SPEG: variants seen among roughly 807,000 people sequenced by gnomAD.
SPEG encodes striated muscle preferentially expressed protein kinase.
A neutral mutation model predicts 300.4 loss-of-function variants in SPEG; 114 were observed. That is an observed-to-expected ratio of 0.38 (90% CI 0.33 to 0.44). SPEG has a LOEUF of 0.44. Among genes scored for constraint, SPEG ranks in the 20% least tolerant of loss-of-function variants. The pLI, the probability that SPEG is intolerant of heterozygous loss-of-function variation, is 1.00. For missense variants in SPEG, 4,201 were observed against 4,586.2 expected, an observed-to-expected ratio of 0.92 and a Z score of 2.43; for synonymous variants, 1,964 against 2,018.9, an observed-to-expected ratio of 0.97 and a Z score of 0.73.
chr2:219,435,739 C>T (rs962827563), intron 1 of SPEG, among the ~76,000 whole-genome samples: 6 of 152,184 alleles, frequency 3.9e-5, no homozygotes, highest in African/African-American at 1.2e-4. Context: ...ATTGACACTC[C>T]GATCAGCTCC....
In SPEG at chr2:219,444,989, G is replaced by A; in HGVS notation, c.643G>A (p.Ala215Thr). ...CCGCCTCCCGGGCAGCCCAAGGCAA[G>A]CACAGGCAACCGGGGCCGGGCCACG... ...TRRLPGSPRQ[A>T]QATGAGPRHL... Residue 215 changes from alanine (A) to threonine (T), a missense_variant, in exon 3 of 41, where the codon GCA becomes ACA. Ala to Thr is a moderately conservative substitution (Grantham distance 58). Around this residue, in one of 4 missense-constraint regions of SPEG, gnomAD observed 1,258 missense variants for 1,293.9 expected, o/e 0.97. Coordinates refer to ENST00000312358, the MANE Select transcript of SPEG (RefSeq NM_005876.5). The surrounding 1 kb of genome is among the most constrained non-coding windows in gnomAD (Gnocchi z 7.8). The A allele has an allele frequency of 1.2e-6, 2 of 1,611,114 alleles. No homozygotes were observed. The highest frequency in any genetic ancestry group is 1.7e-6 in the Non-Finnish European group (2 of 1,178,960).
Position 219,448,266 on chromosome 2 carries a change from G to A in SPEG, c.1108G>A (p.Glu370Lys), listed in dbSNP as rs549168861. The A allele has an allele frequency of 2.5e-6, 4 of 1,612,092 alleles. No homozygotes were observed. In the Admixed American group the frequency reaches 5.0e-5, roughly 20 times the overall value. ...CGGGCCCTCCCTGGCGGGCACCGCG[G>A]AATCCCGACCCCAGACGCCACTGAG... is the stretch of plus-strand genomic sequence containing the variant. ...SSGPSLAGTA[E>K]SRPQTPLSEA... The change falls in exon 4 of 41, where the codon GAA (glutamate) becomes AAA (lysine). Residue 370 changes from glutamate to lysine, a missense_variant. Physicochemically the swap from Glu to Lys is moderately conservative, Grantham distance 56. Transcript: ENST00000312358.
intron 1 of SPEG, among the ~76,000 whole-genome samples, chr2:219,436,210 G>T (rs527341589): frequency 3.9e-5 from 6 of 152,362 alleles, no homozygotes; most frequent in South Asian, 2.1e-4. Flanking sequence ...TGAAGAAAAG[G>T]CTGAGGGTCT....
chr2:219,481,258 C>T lies in SPEG; in HGVS notation c.5370-46C>T, dbSNP rs1487607815. 18 of 1,597,962 alleles carry T rather than the reference C, an allele frequency of 1.1e-5. No individual in the cohort carries two copies. Among genetic ancestry groups the T allele is most frequent in the Non-Finnish European group, 1.5e-5 (17 of 1,170,304 alleles). On this transcript the variant is annotated intron_variant, in intron 26 of 40. Coordinates refer to ENST00000312358, the MANE Select transcript of SPEG (RefSeq NM_005876.5). The surrounding 1 kb of genome is among the most constrained non-coding windows in gnomAD (Gnocchi z 5.4). ...GCCCTGTGCCCCCACTGACATTCCCCTTTGTCCCCGCCTGCCCCTCATGAC... is the reference window on the plus strand; with the variant it reads ...GCCCTGTGCCCCCACTGACATTCCCTTTTGTCCCCGCCTGCCCCTCATGAC...
Position 219,443,149 on chromosome 2 carries a change from T to C in SPEG, c.389-1504T>C. 4 of 1,612,604 alleles carry C rather than the reference T, an allele frequency of 2.5e-6. No homozygotes were observed. The highest frequency in any genetic ancestry group is 3.4e-6 in the Non-Finnish European group (4 of 1,179,674). On this transcript the variant is annotated intron_variant, in intron 1 of 40. Coordinates refer to ENST00000312358, the MANE Select transcript of SPEG (RefSeq NM_005876.5). This position sits in a 1 kb window ranked among gnomAD's most constrained non-coding sequence, Gnocchi z 4.6. ...GCCGGGCCTTTGGCCGACTCACCCA[T>C]GGTGCGTGGACCGTGGGCGTCCTTG...
rs1344301920 is a variant in SPEG, at chr2:219,483,952, G to A, written c.6489G>A (p.Glu2163=). ...VARLGARRLQ[E]SPSLSALSEA... is the part of the protein sequence containing the mutation. ...GGCTTGGGGCCCGTAGGCTACAGGA[G>A]TCTCCTTCCCTGTCTGCCCTCAGCG... is the stretch of plus-strand genomic sequence containing the variant. Residue 2163 remains glutamate, a synonymous_variant, in exon 30 of 41, where the codon GAG becomes GAA. Transcript: ENST00000312358. The A allele has an allele frequency of 6.2e-7, 1 of 1,607,172 alleles. No individual in the cohort carries two copies.
chr2:219,460,779 C>A (rs995960571), intron 6 of SPEG: 2 of 986,122 alleles, frequency 2.0e-6, no homozygotes, highest in Non-Finnish European at 2.4e-6. Flanking sequence ...CCTCCTCCTT[C>A]CCCTCCTCAG....
chr2:219,465,029 T>G (rs1263151361), intron 9 of SPEG: 1 of 154,160 alleles, frequency 6.5e-6, no homozygotes. Flanking sequence ...CAGAAGCTAC[T>G]GTGAGGTAGC....
chr2:219,484,100 G>T lies in SPEG; in HGVS notation c.6637G>T (p.Asp2213Tyr), dbSNP rs747510236. ...GCCCCCCGCACCCCAGCCTGCCCAA[G>T]ACAAGGCTCCAGAGCCCAGGCCAGA... ...PQPPAPQPAQ[D>Y]KAPEPRPEPV... Residue 2213 changes from aspartate (D) to tyrosine (Y), a missense_variant, in exon 30 of 41, where the codon GAC becomes TAC. Asp to Tyr is a radical substitution (Grantham distance 160). Coordinates refer to ENST00000312358, the MANE Select transcript of SPEG (RefSeq NM_005876.5). 1.2e-5 allele frequency: 20 copies of T among 1,613,402 alleles called. No individual in the cohort carries two copies. In the Admixed American group the frequency reaches 3.3e-4, roughly 27 times the overall value.
At chr2:219,474,435 A>G (rs545797536) in intron 18 of SPEG, 2 of 154,240 alleles carry the variant, frequency 1.3e-5, no homozygotes, top group African/African-American at 4.8e-5. Context: ...CTCAGTACTA[A>G]GCACTTTACA....
chr2:219,447,507 G>A (rs1009927103), intron 3 of SPEG, among the ~76,000 whole-genome samples: 3 of 152,098 alleles, frequency 2.0e-5, no homozygotes, highest in African/African-American at 4.8e-5. Flanking sequence ...GAAGGGGTGT[G>A]CCCTGCTGAT....
In SPEG at chr2:219,480,040, C is replaced by T. The variant is rs201323507; in HGVS notation, c.5242C>T (p.Leu1748=). The part of the protein sequence containing the change: ...RICDFGNAQE[L]TPGEPQYCQY... ...CTGTGACTTTGGGAATGCCCAGGAG[C>T]TGACTCCAGGAGAGCCCCAGTACTG... Residue 1748 remains leucine, a synonymous_variant, in exon 25 of 41, where the codon CTG becomes TTG. Transcript: ENST00000312358. This position sits in a 1 kb window ranked among gnomAD's most constrained non-coding sequence, Gnocchi z 5.3. 578 of 1,614,128 alleles carry T rather than the reference C, an allele frequency of 3.6e-4. 4 individuals carry two copies. In the African/African-American group the frequency reaches 7.0e-3, roughly 20 times the overall value.
intron 1 of SPEG, chr2:219,442,148 G>A (rs1002393013): frequency 1.9e-5 from 20 of 1,063,736 alleles, no homozygotes; most frequent in Non-Finnish European, 2.3e-5. Flanking sequence ...CCGGAGGGAG[G>A]GCGGGTCACC....
chr2:219,492,526 G>A (rs1694068559), intron 40 of SPEG, 68 bp from the exon 41 acceptor site: 34 of 1,530,676 alleles, frequency 2.2e-5, no homozygotes, highest in Non-Finnish European at 2.8e-5. Context: ...TGGGTCTGCG[G>A]GAGGACAGAG....
chr2:219,453,624 C>T (rs552550840), intron 6 of SPEG, among the ~76,000 whole-genome samples: 9 of 152,362 alleles, frequency 5.9e-5, no homozygotes, highest in Admixed American at 5.9e-4. Context: ...ATCTCGGCAC[C>T]TCTGCCCTGG....
chr2:219,465,979 A>G (rs1211944829), intron 9 of SPEG: 14 of 1,245,100 alleles, frequency 1.1e-5, no homozygotes, highest in Middle Eastern at 1.9e-4. Context: ...GTGTGTGTGC[A>G]TGTGTGTGTG....
rs141346319 is a variant in SPEG, at chr2:219,436,829, G to A, written c.388+1464G>A. Among the ~76,000 whole-genome samples, 657 of 152,364 alleles carry A rather than the reference G, an allele frequency of 4.3e-3. 20 individuals are homozygous for A. The highest frequency in any genetic ancestry group is 0.039 in the Admixed American group (594 of 15,312). On this transcript the variant is annotated intron_variant, in intron 1 of 40. Transcript: ENST00000312358. ...AGCAGACTTCGGAGCTGGGGAAGGT[G>A]TGGACTCCTTGGGGATCTCAGCTCT...
At chr2:219,466,086 C>A in intron 9 of SPEG, 1 of 1,596,508 alleles carries the variant, frequency 6.3e-7, no homozygotes, top group Non-Finnish European at 8.5e-7. Context: ...CACCTGTGCT[C>A]CCCCCGCTAC....
At position 219,465,596 on chromosome 2, in the gene SPEG, G is replaced by C. The variant is rs139293150; in HGVS notation, c.2881+988G>C. 2.3e-3 allele frequency: 492 copies of C among 212,890 alleles called. 8 individuals carry two copies. Among genetic ancestry groups the C allele is most frequent in the African/African-American group, 0.01 (449 of 43,178 alleles). The allele number at this position is 212,890 out of a possible 1,614,324, so 13.2% of individuals were successfully genotyped here. A position where few individuals can be genotyped will look rare whatever the true frequency, so the allele number is the denominator to read the frequency against. ...TGGGGATTCCTTCCGACACCCCCAG[G>C]CTTTGGGGTGCTCCTGATCCCATGA... is the stretch of plus-strand genomic sequence containing the variant. On this transcript the variant is annotated intron_variant, in intron 9 of 40. Coordinates refer to ENST00000312358, the MANE Select transcript of SPEG (RefSeq NM_005876.5).
Sources: allele counts gnomAD v4.1 joint callset (sites outside exome capture counted in the v4.1 genomes callset), GRCh38; gene constraint gnomAD v4.1.1; regional missense constraint gnomAD v4.1.1; non-coding constraint Gnocchi (gnomAD v3.1); transcripts MANE v1.5; gene names NCBI Gene and HGNC (gene_info 2026-07-23, HGNC 2026-07-21).